Variants in CPS1 observed in about 807,000 individuals in gnomAD.
CPS1 encodes the protein carbamoyl-phosphate synthase [ammonia], mitochondrial.
A neutral mutation model predicts 174.6 loss-of-function variants in CPS1; 109 were observed. The observed-to-expected ratio is 0.62, with a 90% CI of 0.53 to 0.73. The LOEUF is 0.73. Among genes scored for constraint, CPS1 ranks in the 30% least tolerant of loss-of-function variants. The probability of loss-of-function intolerance (pLI) is 0.00; values close to 1 mark genes in which losing one functional copy is unlikely to be tolerated. For synonymous variants in CPS1, 637 were observed against 632.0 expected (o/e 1.01, Z -0.12); for missense variants, 1,689 against 1,821.9 (o/e 0.93, Z 1.33).
chr2:210,530,677 G>A (rs1184756442), intron 1 of CPS1, among the ~76,000 whole-genome samples: 1 of 152,056 alleles, frequency 6.6e-6, no homozygotes. Flanking sequence ...AAAGGCAGCT[G>A]TTAAACTGAG....
chr2:210,573,838 A>G (rs568805769), intron 2 of CPS1, among the ~76,000 whole-genome samples: 11 of 152,208 alleles, frequency 7.2e-5, no homozygotes, highest in African/African-American at 2.6e-4. Context: ...ATACTATAAG[A>G]AGATTAGAAA....
chr2:210,671,076 G>A (rs1701285293), intron 34 of CPS1, among the ~76,000 whole-genome samples: 2 of 152,102 alleles, frequency 1.3e-5, no homozygotes, highest in Admixed American at 6.6e-5. Flanking sequence ...TTTATTTTTA[G>A]TTGCTGTGAG....
chr2:210,597,003 G>A (rs976051016), intron 13 of CPS1, among the ~76,000 whole-genome samples: 1 of 151,784 alleles, frequency 6.6e-6, no homozygotes, highest in Non-Finnish European at 1.5e-5. Context: ...AATTAAGATT[G>A]CAATAAGGTT....
chr2:210,579,401 G>A (rs1697832893), intron 4 of CPS1, among the ~76,000 whole-genome samples: 1 of 152,146 alleles, frequency 6.6e-6, no homozygotes, highest in Non-Finnish European at 1.5e-5. Flanking sequence ...TATTGCTTAT[G>A]AAGTTCACCA....
At chr2:210,642,353 G>T (rs2105901367) in intron 24 of CPS1, 131 bp from the exon 25 acceptor site, 2 of 1,071,836 alleles carry the variant, frequency 1.9e-6, no homozygotes, top group East Asian at 2.4e-5. Flanking sequence ...TTATATCTTG[G>T]AGTTTAAAAA....
intron 17 of CPS1, 28 bp downstream of exon 17, chr2:210,605,274 G>A: frequency 6.2e-7 from 1 of 1,610,674 alleles, no homozygotes; most frequent in Non-Finnish European, 8.5e-7. Context: ...AAGAACTATA[G>A]TAATGCTTTC....
At chr2:210,664,251 G>A (rs1390689303) in intron 33 of CPS1, among the ~76,000 whole-genome samples, 7 of 152,096 alleles carry the variant, frequency 4.6e-5, no homozygotes, top group South Asian at 4.1e-4. Context: ...TCCCATGGTC[G>A]CTACTACTAG....
Position 210,678,168 on chromosome 2 carries a change from C to T in CPS1, c.*183C>T, listed in dbSNP as rs1701595107. On this transcript the variant is annotated 3_prime_UTR_variant, in exon 38 of 38. Coordinates refer to ENST00000233072, the MANE Select transcript of CPS1 (RefSeq NM_001875.5). ...TGTCAGTCACTTCTTCAAAACCTTA[C>T]AGTCCTTCCTAAGTTACTCTTCATG... is the stretch of plus-strand genomic sequence containing the variant. 5.9e-6 allele frequency: 4 copies of T among 680,520 alleles called. No homozygotes were observed. The highest frequency in any genetic ancestry group is 1.1e-5 in the Non-Finnish European group (4 of 367,640). The allele number at this position is 680,520 out of a possible 1,614,324, so 42.2% of individuals were successfully genotyped here. A position where few individuals can be genotyped will look rare whatever the true frequency, so the allele number is the denominator to read the frequency against.
intron 1 of CPS1, among the ~76,000 whole-genome samples, chr2:210,545,799 GAA>G (rs139259050): frequency 6.6e-6 from 1 of 151,896 alleles, no homozygotes; most frequent in East Asian, 1.9e-4. Flanking sequence ...TATTGGCTGG[GAA>G]AAAAAGTGTA....
At chr2:210,522,015 C>A (rs774479126) in intron 1 of CPS1, among the ~76,000 whole-genome samples, 2 of 151,940 alleles carry the variant, frequency 1.3e-5, no homozygotes, top group African/African-American at 2.4e-5. Flanking sequence ...TAGACTATGG[C>A]TAATTATTTC....
Position 210,637,785 on chromosome 2 carries a change from C to T in CPS1, c.2771C>T (p.Thr924Ile), listed in dbSNP as rs150463750. The T allele has an allele frequency of 7.4e-6, 12 of 1,613,992 alleles. No homozygotes were observed. The Admixed American group carries it at 1.3e-4, about 18-fold the overall frequency. ...DKQISKCLGLTEAQTRELRLK... is the reference protein window; with the variant it reads ...DKQISKCLGLIEAQTRELRLK... ...CAGATTTCAAAATGCCTTGGGCTCACTGAGGCCCAGACAAGGGAGCTGAGG... is the reference window on the plus strand; with the variant it reads ...CAGATTTCAAAATGCCTTGGGCTCATTGAGGCCCAGACAAGGGAGCTGAGG... The change falls in exon 22 of 38, where the codon ACT becomes ATT. Residue 924 changes from threonine (T) to isoleucine (I), a missense_variant. Thr to Ile is a moderately conservative substitution (Grantham distance 89). Coordinates refer to ENST00000233072, the MANE Select transcript of CPS1 (RefSeq NM_001875.5).
intron 25 of CPS1, 133 bp downstream of exon 25, chr2:210,642,798 A>G (rs552196067): frequency 1.7e-5 from 14 of 830,502 alleles, no homozygotes; most frequent in South Asian, 1.0e-4. Flanking sequence ...AGTGGCATCC[A>G]TTGTCTTATT....
intron 2 of CPS1, 67 bp downstream of exon 2, chr2:210,573,474 T>C: frequency 8.2e-7 from 1 of 1,217,148 alleles, no homozygotes; most frequent in Non-Finnish European, 1.2e-6. Flanking sequence ...ATCTCACTCA[T>C]GGTGGTAAGT....
chr2:210,666,233 G>T (rs1251783274), intron 33 of CPS1, among the ~76,000 whole-genome samples: 2 of 150,116 alleles, frequency 1.3e-5, no homozygotes, highest in African/African-American at 2.4e-5. Flanking sequence ...TTAGCCCTTT[G>T]TCAGATGAGT....
intron 1 of CPS1, among the ~76,000 whole-genome samples, chr2:210,497,728 C>CT (rs1201093872): frequency 2.0e-5 from 3 of 151,600 alleles, no homozygotes; most frequent in Non-Finnish European, 2.9e-5. Flanking sequence ...TAATTTCATT[C>CT]TTTTTTGTGG....
At chr2:210,544,774 A>G (rs990866338) in intron 1 of CPS1, among the ~76,000 whole-genome samples, 14 of 152,060 alleles carry the variant, frequency 9.2e-5, no homozygotes, top group African/African-American at 3.4e-4. Flanking sequence ...CTGAAGTATA[A>G]TATAATAGGT....
At chr2:210,573,505 A>C in intron 2 of CPS1, 98 bp downstream of exon 2, 1 of 923,278 alleles carries the variant, frequency 1.1e-6, no homozygotes, top group Non-Finnish European at 1.8e-6. Flanking sequence ...GCATCGTAGT[A>C]AGACTACGTA....
At chr2:210,537,791 A>C (rs986741953) in intron 1 of CPS1, among the ~76,000 whole-genome samples, 2 of 152,050 alleles carry the variant, frequency 1.3e-5, no homozygotes, top group African/African-American at 2.4e-5. Context: ...AGGCTCGAGT[A>C]ATTTGTTATC....
chr2:210,653,895 A>G (rs1483400601), intron 28 of CPS1, 130 bp from the exon 29 acceptor site: 1 of 739,726 alleles, frequency 1.4e-6, no homozygotes, highest in Admixed American at 2.0e-5. Flanking sequence ...GAGTTTATGT[A>G]GTTATGTTCA....
Sources: gnomAD v4.1 joint callset for allele counts (sites outside exome capture counted in the v4.1 genomes callset) on GRCh38, gnomAD v4.1.1 for gene constraint, MANE v1.5 for transcripts, NCBI Gene and HGNC (gene_info 2026-07-23, HGNC 2026-07-21) for gene names.